Variants in RSBN1L observed in about 807,000 individuals in gnomAD.
RSBN1L encodes lysine-specific demethylase RSBN1L.
Under a neutral mutation model 67.7 loss-of-function variants are expected in RSBN1L, and 30 were observed. The observed-to-expected ratio is 0.44, with a 90% CI of 0.33 to 0.60. The LOEUF (loss-of-function observed/expected upper bound fraction) is 0.60. Ranked by LOEUF, RSBN1L falls within the 20% of genes least tolerant of loss-of-function variation. The pLI is 0.02. For synonymous variants in RSBN1L, 433 were observed against 387.0 expected, an observed-to-expected ratio of 1.12 and a Z score of -1.39; for missense variants, 992 against 1,031.7, an observed-to-expected ratio of 0.96 and a Z score of 0.53.
chr7:77,739,739 CTTTTTTTTTTTTTT>C (rs1173154183), intron 2 of RSBN1L, among the ~76,000 whole-genome samples: 47 of 42,686 alleles, frequency 1.1e-3, no homozygotes, highest in African/African-American at 3.5e-3. Context: ...AAAAATGTGT[CTTTTTTTTTTTTTT>C]TTTTTTTTTT....
At chr7:77,703,939 A>G (rs1016805151) in intron 1 of RSBN1L, among the ~76,000 whole-genome samples, 1 of 152,062 alleles carries the variant, frequency 6.6e-6, no homozygotes, top group Non-Finnish European at 1.5e-5. Flanking sequence ...ACAGGTGTGC[A>G]ACCACGCCCC....
chr7:77,771,921 C>G (rs146670868), intron 5 of RSBN1L, among the ~76,000 whole-genome samples: 131 of 151,870 alleles, frequency 8.6e-4, no homozygotes, highest in African/African-American at 3.1e-3. Context: ...TTTAGATGTA[C>G]TTTAAGGGGG....
chr7:77,768,901 A>G, intron 5 of RSBN1L, 98 bp downstream of exon 5: 1 of 999,266 alleles, frequency 1.0e-6, no homozygotes. Context: ...TGCAAAGTTT[A>G]GAGCATAATT....
Position 77,711,670 on chromosome 7 carries a change from A to G in RSBN1L, c.586+14615A>G, listed in dbSNP as rs369867053. Among the ~76,000 whole-genome samples the G allele has an allele frequency of 4.6e-5, 7 of 152,330 alleles. No homozygotes were observed. In the East Asian group the frequency reaches 9.6e-4, roughly 21 times the overall value. ...TATTGTTAAAGCTGTGTTAACCAACAACAGTTTGGGAATGAATAAATAGAA... is the reference window on the plus strand; with the variant it reads ...TATTGTTAAAGCTGTGTTAACCAACGACAGTTTGGGAATGAATAAATAGAA... On this transcript the variant is annotated intron_variant, in intron 1 of 7. Coordinates refer to ENST00000334955, the MANE Select transcript of RSBN1L (RefSeq NM_198467.3).
Position 77,696,922 on chromosome 7 carries a change from C to G in RSBN1L, c.453C>G (p.Ala151=). The part of the protein sequence containing the change: ...HLLLPAAAAA[A]SANAKSRRPK... ...TCCTGCCCGCCGCCGCCGCCGCTGC[C>G]TCGGCTAACGCCAAGTCGCGCAGAC... The change falls in exon 1 of 8, where the codon GCC becomes GCG. Residue 151 remains alanine, a synonymous_variant. Coordinates refer to ENST00000334955, the MANE Select transcript of RSBN1L (RefSeq NM_198467.3). 1 of 1,602,678 alleles carries G rather than the reference C, an allele frequency of 6.2e-7. No individual in the cohort carries two copies. Among genetic ancestry groups the G allele is most frequent in the South Asian group, 1.1e-5 (1 of 90,862 alleles).
chr7:77,723,823 A>C (rs1313165197), intron 1 of RSBN1L, among the ~76,000 whole-genome samples: 2 of 151,892 alleles, frequency 1.3e-5, no homozygotes, highest in African/African-American at 4.8e-5. Flanking sequence ...AATCCCAGCT[A>C]CTCGGGTGGC....
Position 77,696,494 on chromosome 7 carries a change from C to G in RSBN1L, c.25C>G (p.His9Asp). MAEPPSPV[H>D]CVAAAAPTAT... ...AATGGCGGAACCGCCGAGCCCCGTGCACTGTGTCGCTGCCGCGGCCCCCAC... is the reference window on the plus strand; with the variant it reads ...AATGGCGGAACCGCCGAGCCCCGTGGACTGTGTCGCTGCCGCGGCCCCCAC... The change falls in exon 1 of 8, where the codon CAC becomes GAC. Residue 9 changes from histidine to aspartate, a missense_variant. By Grantham distance (81) the His-to-Asp change is moderately conservative. Coordinates refer to ENST00000334955, the MANE Select transcript of RSBN1L (RefSeq NM_198467.3). 3 of 1,613,050 alleles carry G rather than the reference C, an allele frequency of 1.9e-6. No individual in the cohort carries two copies. Among genetic ancestry groups the G allele is most frequent in the Non-Finnish European group, 2.5e-6 (3 of 1,179,550 alleles).
chr7:77,758,035 T>C (rs1051357649), intron 3 of RSBN1L, among the ~76,000 whole-genome samples: 3 of 151,880 alleles, frequency 2.0e-5, no homozygotes, highest in Middle Eastern at 6.3e-3. Context: ...TGAGACTCCA[T>C]CTCAAAAAAA....
At chr7:77,736,107 T>C (rs1214735191) in intron 1 of RSBN1L, among the ~76,000 whole-genome samples, 1 of 152,154 alleles carries the variant, frequency 6.6e-6, no homozygotes, top group Non-Finnish European at 1.5e-5. Context: ...TAGCTTTTGC[T>C]TCACCTAAAG....
At chr7:77,735,262 T>C (rs1272885688) in intron 1 of RSBN1L, among the ~76,000 whole-genome samples, 2 of 152,298 alleles carry the variant, frequency 1.3e-5, no homozygotes, top group African/African-American at 2.4e-5. Context: ...GTGAAACTAG[T>C]TTCAAATTGA....
chr7:77,725,536 G>T (rs1377979760), intron 1 of RSBN1L, among the ~76,000 whole-genome samples: 1 of 144,072 alleles, frequency 6.9e-6, no homozygotes, highest in South Asian at 2.2e-4. Context: ...CATGAGCCAT[G>T]GCGCCCGGCC....
intron 6 of RSBN1L, among the ~76,000 whole-genome samples, chr7:77,774,897 T>G (rs1791893349): frequency 6.6e-6 from 1 of 152,210 alleles, no homozygotes; most frequent in African/African-American, 2.4e-5. Context: ...GGCCTCACTC[T>G]GTTGCCCAGG....
chr7:77,774,636 C>T (rs991062477), intron 6 of RSBN1L, among the ~76,000 whole-genome samples: 5 of 152,152 alleles, frequency 3.3e-5, no homozygotes, highest in African/African-American at 1.2e-4. Flanking sequence ...ACTCAGGAGG[C>T]TGAGGCAGGA....
chr7:77,732,769 T>C (rs562325739), intron 1 of RSBN1L, among the ~76,000 whole-genome samples: 1 of 152,340 alleles, frequency 6.6e-6, no homozygotes, highest in East Asian at 1.9e-4. Context: ...AAATAGATAT[T>C]ATTCTACATT....
chr7:77,742,164 T>TAA (rs1350455602), intron 2 of RSBN1L, among the ~76,000 whole-genome samples: 6 of 100,212 alleles, frequency 6.0e-5, no homozygotes, highest in Non-Finnish European at 7.5e-5. Flanking sequence ...AACCCATCTT[T>TAA]AAAAAAAAAA....
At position 77,779,315 on chromosome 7, in the gene RSBN1L, A is replaced by G. The variant is rs1050605405; in HGVS notation, c.*147A>G. ...TTGTAACATTCCTCAGTGCCTGTCC[A>G]TAACTGTGAAGTATTAAGCACTTAG... On this transcript the variant is annotated 3_prime_UTR_variant, in exon 8 of 8. Transcript: ENST00000334955. The G allele has an allele frequency of 1.6e-5, 10 of 629,900 alleles. No individual in the cohort carries two copies. The highest frequency in any genetic ancestry group is 1.5e-4 in the African/African-American group (8 of 54,118). The allele number at this position is 629,900 out of a possible 1,614,324, so 39.0% of individuals were successfully genotyped here. A position where few individuals can be genotyped will look rare whatever the true frequency, so the allele number is the denominator to read the frequency against.
At chr7:77,747,949 G>T (rs569372829) in intron 2 of RSBN1L, among the ~76,000 whole-genome samples, 3 of 152,054 alleles carry the variant, frequency 2.0e-5, no homozygotes, top group South Asian at 2.1e-4. Flanking sequence ...ACATCAAATG[G>T]ATAGAAAAGA....
At position 77,782,936 on chromosome 7, in the gene RSBN1L, A is replaced by G. The variant is rs1584310255; in HGVS notation, c.*3768A>G. The stretch of plus-strand genomic sequence containing the variant: ...ATATCTCAAAATTCATTTTACATTT[A>G]GCAAAGGTGCAACATTTGTTTTTGG... On this transcript the variant is annotated 3_prime_UTR_variant, in exon 8 of 8. Coordinates refer to ENST00000334955, the MANE Select transcript of RSBN1L (RefSeq NM_198467.3). 1 of 152,190 alleles carries G rather than the reference A, an allele frequency of 6.6e-6. No individual in the cohort carries two copies. Among genetic ancestry groups the G allele is most frequent in the Non-Finnish European group, 1.5e-5 (1 of 68,014 alleles). The allele number at this position is 152,190 out of a possible 1,614,324, so 9.4% of individuals were successfully genotyped here. A position where few individuals can be genotyped will look rare whatever the true frequency, so the allele number is the denominator to read the frequency against.
At chr7:77,773,051 AT>A (rs2150434159) in intron 5 of RSBN1L, 95 bp from the exon 6 acceptor site, 2 of 617,858 alleles carry the variant, frequency 3.2e-6, no homozygotes, top group Non-Finnish European at 2.6e-6. Context: ...TTGAGAGCAA[AT>A]TTCATATATT....
Sources: gnomAD v4.1 joint callset for allele counts (sites outside exome capture counted in the v4.1 genomes callset) on GRCh38, gnomAD v4.1.1 for gene constraint, MANE v1.5 for transcripts, NCBI Gene and HGNC (gene_info 2026-07-23, HGNC 2026-07-21) for gene names.